C2orf76: variants seen among roughly 807,000 people sequenced by gnomAD.
C2orf76 encodes chromosome 2 open reading frame 76.
Under a neutral mutation model 16.9 loss-of-function variants are expected in C2orf76, and 23 were observed. The observed-to-expected ratio is 1.36, with a 90% CI of 0.98 to 1.93. The LOEUF is 1.93. Among genes scored for constraint, C2orf76 ranks in the 30% most tolerant of loss-of-function variants. C2orf76 has a pLI of 0.00. For missense variants in C2orf76, 152 were observed against 152.6 expected (o/e 1.00, Z 0.02); for synonymous variants, 48 against 52.3 (o/e 0.92, Z 0.35).
the C2orf76 span, among the ~76,000 whole-genome samples, chr2:119,286,684 AT>A: frequency 6.6e-6 from 1 of 152,070 alleles, no homozygotes; most frequent in African/African-American, 2.4e-5. Flanking sequence ...TCAGACTTGC[AT>A]TTTTAAAAGA....
At chr2:119,312,253 C>T (rs758388444) in intron 4 of C2orf76, among the ~76,000 whole-genome samples, 7 of 151,806 alleles carry the variant, frequency 4.6e-5, no homozygotes, top group Non-Finnish European at 1.0e-4. Context: ...TTCCTTTTTT[C>T]GTTTTGTTTT....
At chr2:119,306,846 A>C (rs1678805351) in intron 5 of C2orf76, among the ~76,000 whole-genome samples, 1 of 152,206 alleles carries the variant, frequency 6.6e-6, no homozygotes, top group Non-Finnish European at 1.5e-5. Flanking sequence ...GCAGATAAAA[A>C]GCCAAAGGAT....
intron 3 of C2orf76, among the ~76,000 whole-genome samples, chr2:119,318,722 G>T (rs1679255222): frequency 1.3e-5 from 2 of 151,820 alleles, no homozygotes; most frequent in Non-Finnish European, 2.9e-5. Context: ...TAAAGACAGG[G>T]TTTCACCATG....
intron 4 of C2orf76, among the ~76,000 whole-genome samples, chr2:119,313,855 A>G (rs1041351610): frequency 1.3e-5 from 2 of 152,040 alleles, no homozygotes; most frequent in Non-Finnish European, 2.9e-5. Context: ...ATTATGCTTA[A>G]AGTTCTGAAT....
chr2:119,283,027 G>A, the C2orf76 span, among the ~76,000 whole-genome samples: 1 of 152,178 alleles, frequency 6.6e-6, no homozygotes, highest in Non-Finnish European at 1.5e-5. Context: ...AGCTGTGGCA[G>A]TCCAGCCACT....
chr2:119,358,577 CAAA>C (rs58374459), intron 1 of C2orf76, among the ~76,000 whole-genome samples: 2 of 88,338 alleles, frequency 2.3e-5, no homozygotes, highest in Admixed American at 1.3e-4. Context: ...GACTCTGTCT[CAAA>C]AAAAAAAAAA....
chr2:119,359,381 A>G (rs1431427873), intron 1 of C2orf76, among the ~76,000 whole-genome samples: 1 of 152,214 alleles, frequency 6.6e-6, no homozygotes, highest in Admixed American at 6.5e-5. Flanking sequence ...TCAAGAAGCA[A>G]TTTCAACTTT....
chr2:119,311,551 A>G (rs1415621356), intron 5 of C2orf76, 71 bp downstream of exon 5: 13 of 1,562,610 alleles, frequency 8.3e-6, no homozygotes, highest in African/African-American at 4.2e-5. Flanking sequence ...AGTTATCCAA[A>G]TACCATCAGC....
intron 1 of C2orf76, chr2:119,366,477 G>A: frequency 2.1e-6 from 1 of 471,822 alleles, no homozygotes. Flanking sequence ...CCTTTCGGGA[G>A]ACCAGTCCAG....
At chr2:119,286,224 CAAAAAA>C in the C2orf76 span, among the ~76,000 whole-genome samples, 5 of 60,340 alleles carry the variant, frequency 8.3e-5, no homozygotes, top group Admixed American at 2.1e-4. Context: ...GACTCCATCT[CAAAAAA>C]AAAAAAAAAA....
chr2:119,301,421 AC>A (rs1678619790), downstream of C2orf76, among the ~76,000 whole-genome samples: 2 of 152,230 alleles, frequency 1.3e-5, no homozygotes, highest in South Asian at 2.1e-4. Context: ...GTTAGACGTG[AC>A]CATAATGAAA....
chr2:119,326,920 G>A (rs1044643627), intron 2 of C2orf76, among the ~76,000 whole-genome samples: 1 of 151,502 alleles, frequency 6.6e-6, no homozygotes, highest in African/African-American at 2.4e-5. Flanking sequence ...TTATAACCTT[G>A]CTAAGCTCAG....
At chr2:119,315,597 G>T (rs558257275) in intron 4 of C2orf76, among the ~76,000 whole-genome samples, 4 of 152,304 alleles carry the variant, frequency 2.6e-5, no homozygotes, top group African/African-American at 9.6e-5. Context: ...CCGTATCTGT[G>T]AAAATATATT....
chr2:119,346,999 T>A (rs1046780228), intron 1 of C2orf76, among the ~76,000 whole-genome samples: 4 of 152,210 alleles, frequency 2.6e-5, no homozygotes, highest in Non-Finnish European at 2.9e-5. Flanking sequence ...AATAAAAAAA[T>A]TCCAAAAATT....
At chr2:119,343,022 G>A (rs1251227331) in intron 1 of C2orf76, among the ~76,000 whole-genome samples, 2 of 152,092 alleles carry the variant, frequency 1.3e-5, no homozygotes, top group East Asian at 1.9e-4. Flanking sequence ...CGCCTGGCTC[G>A]GCCTCCCAAA....
rs72957055 is a variant in C2orf76 at position 119,341,803 on chromosome 2, A to G, written c.-12-1832T>C. Reference sequence around the variant, plus strand: ...ATCACTAGTAGTCAGGGAAATTCAAAATAACAGTGAGACATATCACTCATC... The same window carrying G: ...ATCACTAGTAGTCAGGGAAATTCAAGATAACAGTGAGACATATCACTCATC... On this transcript the variant is annotated intron_variant, in intron 1 of 5. Transcript: ENST00000334816. Among the ~76,000 whole-genome samples the G allele has an allele frequency of 3.5e-3, 539 of 152,322 alleles. 5 individuals are homozygous for G. The highest frequency in any genetic ancestry group is 0.013 in the African/African-American group (523 of 41,568).
intron 2 of C2orf76, among the ~76,000 whole-genome samples, chr2:119,327,336 A>ATTTTTTTTTTT (rs34185420): frequency 1.5e-5 from 1 of 68,692 alleles, no homozygotes; most frequent in Non-Finnish European, 2.5e-5. Context: ...AATTACATGG[A>ATTTTTTTTTTT]TTTTTTTTTT....
rs1206652832 is a variant in C2orf76 at position 119,312,289 on chromosome 2, C to T, written c.223-586G>A. ...TCGAGACAGGGTCTCACTCTGTCAC[C>T]TAGGCTGGAGTGCAGTGGCGTGATT... On this transcript the variant is annotated intron_variant, in intron 4 of 5. Transcript: ENST00000334816. Among the ~76,000 whole-genome samples, 4 of 152,144 alleles carry T rather than the reference C, an allele frequency of 2.6e-5. No homozygotes were observed. In the East Asian group the frequency reaches 7.7e-4, roughly 29 times the overall value.
At chr2:119,317,205 A>G (rs1679196509) in intron 4 of C2orf76, among the ~76,000 whole-genome samples, 1 of 152,170 alleles carries the variant, frequency 6.6e-6, no homozygotes, top group Non-Finnish European at 1.5e-5. Context: ...TGCTTATTTT[A>G]TGTTAAATAT....
Sources: gnomAD v4.1 joint callset for allele counts (sites outside exome capture counted in the v4.1 genomes callset) on GRCh38, gnomAD v4.1.1 for gene constraint, MANE v1.5 for transcripts, NCBI Gene and HGNC (gene_info 2026-07-23, HGNC 2026-07-21) for gene names.